KCNK13: variants seen among roughly 807,000 people sequenced by gnomAD.
KCNK13 encodes potassium two pore domain channel subfamily K member 13, also known as potassium channel subfamily K member 13.
KCNK13 carries 12 observed loss-of-function variants against 23.4 expected under a neutral mutation model. The observed-to-expected ratio is 0.51, with a 90% CI of 0.33 to 0.83. KCNK13 has a LOEUF of 0.83. Ranked by LOEUF, KCNK13 falls within the 40% of genes least tolerant of loss-of-function variation. The pLI is 0.02. For missense variants in KCNK13, 463 were observed against 556.3 expected, an observed-to-expected ratio of 0.83 and a Z score of 1.69; for synonymous variants, 231 against 229.5, an observed-to-expected ratio of 1.01 and a Z score of -0.06.
intron 1 of KCNK13, among the ~76,000 whole-genome samples, chr14:90,080,693 C>G (rs1456236433): frequency 6.6e-6 from 1 of 152,100 alleles, no homozygotes; most frequent in Admixed American, 6.6e-5. Flanking sequence ...TTCTTTGTAT[C>G]CCCAGCCCCA....
chr14:90,147,277 G>A (rs563824321), intron 1 of KCNK13, among the ~76,000 whole-genome samples: 28 of 152,076 alleles, frequency 1.8e-4, no homozygotes, highest in South Asian at 1.2e-3. Flanking sequence ...TCTAGAGACA[G>A]GGTCTCACTC....
intron 1 of KCNK13, among the ~76,000 whole-genome samples, chr14:90,166,789 G>A (rs1430829563): frequency 6.6e-6 from 1 of 152,160 alleles, no homozygotes; most frequent in Non-Finnish European, 1.5e-5. Flanking sequence ...GAGCTGCAGA[G>A]GCAGGGTGAG....
At chr14:90,119,248 A>G (rs766811111) in intron 1 of KCNK13, among the ~76,000 whole-genome samples, 4 of 152,194 alleles carry the variant, frequency 2.6e-5, no homozygotes, top group Non-Finnish European at 4.4e-5. Flanking sequence ...TACTGAAACT[A>G]TTCCAAAATA....
At chr14:90,070,268 TA>T (rs1889058444) in intron 1 of KCNK13, among the ~76,000 whole-genome samples, 3 of 152,252 alleles carry the variant, frequency 2.0e-5, no homozygotes, top group Admixed American at 6.5e-5. Context: ...ATAACCATTA[TA>T]ACATGAGCAG....
chr14:90,120,969 T>A (rs886963459), intron 1 of KCNK13, among the ~76,000 whole-genome samples: 1 of 152,138 alleles, frequency 6.6e-6, no homozygotes, highest in African/African-American at 2.4e-5. Context: ...ATACACCCAT[T>A]GCAGTCTGTA....
At chr14:90,155,961 T>C (rs1245129142) in intron 1 of KCNK13, among the ~76,000 whole-genome samples, 6 of 152,056 alleles carry the variant, frequency 3.9e-5, no homozygotes, top group Admixed American at 3.9e-4. Context: ...CTCAGCACTT[T>C]GGGAGGCCGA....
intron 1 of KCNK13, among the ~76,000 whole-genome samples, chr14:90,111,072 C>G (rs1431554067): frequency 6.6e-6 from 1 of 152,090 alleles, no homozygotes; most frequent in Non-Finnish European, 1.5e-5. Flanking sequence ...ATCAGGAACT[C>G]CCTGCATTAG....
chr14:90,159,117 G>C (rs1890225189), intron 1 of KCNK13, among the ~76,000 whole-genome samples: 1 of 152,190 alleles, frequency 6.6e-6, no homozygotes, highest in African/African-American at 2.4e-5. Context: ...TTATCCCTTG[G>C]TGGAAGAGCA....
chr14:90,130,704 C>T (rs367618338), intron 1 of KCNK13, among the ~76,000 whole-genome samples: 1 of 152,002 alleles, frequency 6.6e-6, no homozygotes, highest in Non-Finnish European at 1.5e-5. Context: ...AGCCCAGCTA[C>T]TTGGGAGGCT....
chr14:90,132,607 G>A (rs1889888467), intron 1 of KCNK13, among the ~76,000 whole-genome samples: 1 of 151,976 alleles, frequency 6.6e-6, no homozygotes, highest in Non-Finnish European at 1.5e-5. Flanking sequence ...GAGGAGGAGG[G>A]AATAGGGAAT....
At chr14:90,079,629 T>C (rs1011251528) in intron 1 of KCNK13, among the ~76,000 whole-genome samples, 3 of 152,156 alleles carry the variant, frequency 2.0e-5, no homozygotes, top group Non-Finnish European at 4.4e-5. Flanking sequence ...ACAAATAGTG[T>C]CTCCTATAAG....
intron 1 of KCNK13, among the ~76,000 whole-genome samples, chr14:90,073,578 G>A (rs1456379940): frequency 1.3e-5 from 2 of 152,202 alleles, no homozygotes; most frequent in African/African-American, 2.4e-5. Context: ...TGTGGTTTTC[G>A]AACTGTGCTC....
chr14:90,122,959 C>T lies in KCNK13; in HGVS notation c.334+60420C>T, dbSNP rs186378541. 4.1e-3 allele frequency among the ~76,000 whole-genome samples: 620 copies of T among 152,280 alleles called. 9 individuals are homozygous for T. The highest frequency in any genetic ancestry group is 2.4e-3 in the Non-Finnish European group (163 of 68,022). On this transcript the variant is annotated intron_variant, in intron 1 of 1. Transcript: ENST00000282146. ...AGCACTCTCATGGAGTGGCATTTTT[C>T]AGATGAAGACTCCGAAGCTTGTTAA...
rs193022763 is a variant in KCNK13, at chr14:90,177,985, C to T, written c.335-6126C>T. Among the ~76,000 whole-genome samples, 857 of 152,208 alleles carry T rather than the reference C, an allele frequency of 5.6e-3. 7 individuals are homozygous for T. Among genetic ancestry groups the T allele is most frequent in the African/African-American group, 0.02 (815 of 41,544 alleles). ...TAATGAGGATGCCCCATATGTCAGG[C>T]GTGACTCATGCTGCAGACACACTGC... On this transcript the variant is annotated intron_variant, in intron 1 of 1. Transcript: ENST00000282146.
chr14:90,164,898 C>T (rs1006985876), intron 1 of KCNK13, among the ~76,000 whole-genome samples: 2 of 152,144 alleles, frequency 1.3e-5, no homozygotes, highest in African/African-American at 4.8e-5. Flanking sequence ...ACTGCTCGTT[C>T]ATTTCTCACT....
intron 1 of KCNK13, among the ~76,000 whole-genome samples, chr14:90,182,092 G>T (rs570301529): frequency 6.6e-6 from 1 of 152,246 alleles, no homozygotes; most frequent in South Asian, 2.1e-4. Context: ...CCTGTCCCTC[G>T]ATCCTCCCTT....
chr14:90,167,511 G>T lies in KCNK13; in HGVS notation c.335-16600G>T, dbSNP rs74791309. On this transcript the variant is annotated intron_variant, in intron 1 of 1. Transcript: ENST00000282146. ...AGGGTAATCATTGTTCTAAATGCAG[G>T]GAACTGGATTCAATCCCAGACATGC... Among the ~76,000 whole-genome samples, 872 of 152,260 alleles carry T rather than the reference G, an allele frequency of 5.7e-3. 13 individuals are homozygous for T. The highest frequency in any genetic ancestry group is 0.02 in the African/African-American group (822 of 41,548).
chr14:90,098,270 C>A (rs1024823703), intron 1 of KCNK13, among the ~76,000 whole-genome samples: 3 of 152,136 alleles, frequency 2.0e-5, no homozygotes, highest in Non-Finnish European at 4.4e-5. Context: ...TTATTTATTT[C>A]CATTTTTGTT....
intron 1 of KCNK13, among the ~76,000 whole-genome samples, chr14:90,132,836 C>T (rs1333262786): frequency 6.6e-6 from 1 of 152,126 alleles, no homozygotes; most frequent in Non-Finnish European, 1.5e-5. Context: ...TTTACAAAGC[C>T]CTGTCCCATA....
Sources: gnomAD v4.1 joint callset for allele counts (sites outside exome capture counted in the v4.1 genomes callset) on GRCh38, gnomAD v4.1.1 for gene constraint, MANE v1.5 for transcripts, NCBI Gene and HGNC (gene_info 2026-07-23, HGNC 2026-07-21) for gene names.